Variants in COL17A1 observed in about 807,000 individuals in gnomAD.
COL17A1 encodes collagen alpha-1(XVII) chain.
In COL17A1, 181 loss-of-function variants were observed where a neutral mutation model predicts 218.4. That is an observed-to-expected ratio of 0.83 (90% CI 0.73 to 0.94). The LOEUF is 0.94. COL17A1 is among the 40% of genes least tolerant of loss of function. The pLI, the probability that COL17A1 is intolerant of heterozygous loss-of-function variation, is 0.00. For missense variants in COL17A1, 1,924 were observed against 1,945.9 expected (o/e 0.99, Z 0.21); for synonymous variants, 721 against 731.0 (o/e 0.99, Z 0.22).
intron 17 of COL17A1, among the ~76,000 whole-genome samples, chr10:104,056,309 G>A (rs1198678429): frequency 2.0e-5 from 3 of 152,160 alleles, no homozygotes; most frequent in East Asian, 1.9e-4. Context: ...CTGGCCAGGC[G>A]CGGTGGCTCA....
In COL17A1 at chr10:104,077,443, T is replaced by A. The variant is rs774692187; in HGVS notation, c.181A>T (p.Ser61Cys). ...TCACTTGAGTTTATGTAGCCGCTGCTGCCATGAGTCAGGCTTTGTTTCTCC... is the reference window on the plus strand; with the variant it reads ...TCACTTGAGTTTATGTAGCCGCTGCAGCCATGAGTCAGGCTTTGTTTCTCC... ...RLEKQSLTHG[S>C]SGYINSTGST... The change falls in exon 4 of 56, where the codon AGC becomes TGC. Residue 61 changes from serine to cysteine, a missense_variant. Coordinates refer to ENST00000648076, the MANE Select transcript of COL17A1 (RefSeq NM_000494.4). 2 of 1,613,370 alleles carry A rather than the reference T, an allele frequency of 1.2e-6. No homozygotes were observed. The highest frequency in any genetic ancestry group is 8.5e-7 in the Non-Finnish European group (1 of 1,179,756).
Position 104,038,527 on chromosome 10 carries a change from C to T in COL17A1, c.2949G>A (p.Gly983=). 6.2e-7 allele frequency: 1 copy of T among 1,611,962 alleles called. No homozygotes were observed. Among genetic ancestry groups the T allele is most frequent in the Non-Finnish European group, 8.5e-7 (1 of 1,179,966 alleles). The change falls in exon 45 of 56, where the codon GGG becomes GGA. Residue 983 remains glycine, a splice_region_variant and synonymous_variant. Coordinates refer to ENST00000648076, the MANE Select transcript of COL17A1 (RefSeq NM_000494.4). ...ALGIPSGPSE[G]GSSSTMYVSG... ...ACACGTACATGGTACTTGATGATCC[C>T]CCTGCAGCAAAGAGAAAGCGTCCTG...
chr10:104,036,354 C>CT lies in COL17A1; in HGVS notation c.3418+137dup. The CT allele has an allele frequency of 3.1e-6, 4 of 1,275,892 alleles. No homozygotes were observed. In the African/African-American group the frequency reaches 5.9e-5, roughly 19 times the overall value. The allele number at this position is 1,275,892 out of a possible 1,614,324, so 79.0% of individuals were successfully genotyped here. A position where few individuals can be genotyped will look rare whatever the true frequency, so the allele number is the denominator to read the frequency against. Reference sequence around the variant, plus strand: ...TCCAGGCTCACAGGTTTGAACGGCTCTGAGCACTGCTCATTGCTGGGGTTG... The same window carrying CT: ...TCCAGGCTCACAGGTTTGAACGGCTCTTGAGCACTGCTCATTGCTGGGGTTG... On this transcript the variant is annotated intron_variant, in intron 48 of 55. Transcript: ENST00000648076.
intron 51 of COL17A1, 141 bp downstream of exon 51, chr10:104,034,480 T>C: frequency 6.7e-7 from 1 of 1,488,670 alleles, no homozygotes; most frequent in Admixed American, 2.0e-5. Flanking sequence ...GGGAGAATTT[T>C]GGTGTGGAAG....
intron 48 of COL17A1, 139 bp from the exon 49 acceptor site, chr10:104,035,702 G>A (rs1474980351): frequency 9.8e-6 from 7 of 716,804 alleles, no homozygotes; most frequent in Non-Finnish European, 1.6e-5. Flanking sequence ...GAGAGGCAGA[G>A]AGGAGGAGCC....
chr10:104,052,068 G>T, intron 24 of COL17A1, 87 bp downstream of exon 24: 1 of 1,580,536 alleles, frequency 6.3e-7, no homozygotes, highest in South Asian at 1.1e-5. Context: ...GGGCTGTCTG[G>T]GGTCCCAGGG....
Position 104,057,164 on chromosome 10 carries a change from T to C in COL17A1, c.1276A>G (p.Ser426Gly). 1 of 1,613,910 alleles carries C rather than the reference T, an allele frequency of 6.2e-7. No homozygotes were observed. The highest frequency in any genetic ancestry group is 8.5e-7 in the Non-Finnish European group (1 of 1,179,868). ...CCACCACCACCACTGCTGCCGTAGCTGTGGATATCTGTGAAAGAGACAGGG... is the reference window on the plus strand; with the variant it reads ...CCACCACCACCACTGCTGCCGTAGCCGTGGATATCTGTGAAAGAGACAGGG... ...KGKTTTADIH[S>G]YGSSGGGGSG... Residue 426 changes from serine (S) to glycine (G), a missense_variant, in exon 17 of 56, where the codon AGC (serine) becomes GGC (glycine). Coordinates refer to ENST00000648076, the MANE Select transcript of COL17A1 (RefSeq NM_000494.4).
rs536982016 is a variant in COL17A1 at position 104,031,859 on chromosome 10, G to A, written c.*376C>T. On this transcript the variant is annotated 3_prime_UTR_variant, in exon 56 of 56. Transcript: ENST00000648076. ...GGAAGGCGCCCCACCCCCATCCTCC[G>A]TTTTCTGGGCTCATATTTAGGTAAA... The A allele has an allele frequency of 2.0e-3, 585 of 293,682 alleles. 1 individual carries two copies. Among genetic ancestry groups the A allele is most frequent in the South Asian group, 4.8e-3 (118 of 24,542 alleles). The allele number at this position is 293,682 out of a possible 1,614,324, so 18.2% of individuals were successfully genotyped here.
Position 104,033,279 on chromosome 10 carries a change from G to T in COL17A1, c.4253C>A (p.Ala1418Asp), listed in dbSNP as rs1452600859. The part of the protein sequence containing the change: ...GPPGISKVFS[A>D]YSNVTADLMD... ...GAGGTCCGCAGTCACGTTGCTGTAG[G>T]CAGAGAAGACCTTGCTGATGCCGGG... Residue 1418 changes from alanine to aspartate, a missense_variant, in exon 53 of 56, where the codon GCC becomes GAC. By Grantham distance (126) the Ala-to-Asp change is moderately radical (BLOSUM62 -2). Coordinates refer to ENST00000648076, the MANE Select transcript of COL17A1 (RefSeq NM_000494.4). 6.3e-7 allele frequency: 1 copy of T among 1,596,784 alleles called. No homozygotes were observed. The highest frequency in any genetic ancestry group is 1.8e-5 in the Admixed American group (1 of 56,894).
At chr10:104,054,723 G>A (rs1190522044) in intron 20 of COL17A1, among the ~76,000 whole-genome samples, 2 of 152,092 alleles carry the variant, frequency 1.3e-5, no homozygotes, top group Non-Finnish European at 1.5e-5. Flanking sequence ...TCAAAGGCTC[G>A]GGAAATGTGG....
chr10:104,039,355 G>A (rs1469451274), intron 43 of COL17A1, 90 bp downstream of exon 43: 1 of 1,382,390 alleles, frequency 7.2e-7, no homozygotes, highest in Non-Finnish European at 1.0e-6. Flanking sequence ...TTACACTGAT[G>A]AGTACTTGCT....
At chr10:104,076,475 G>A in intron 4 of COL17A1, 46 bp from the exon 5 acceptor site, 1 of 1,612,436 alleles carries the variant, frequency 6.2e-7, no homozygotes, top group East Asian at 2.2e-5. Context: ...CAGCAGAGAG[G>A]TGAACCAAAT....
chr10:104,045,913 G>T, intron 32 of COL17A1, 120 bp from the exon 33 acceptor site: 1 of 856,900 alleles, frequency 1.2e-6, no homozygotes, highest in South Asian at 1.4e-5. Flanking sequence ...ACCCTGGGAC[G>T]CACCAGCTTT....
chr10:104,070,648 T>A (rs2086661949), intron 8 of COL17A1, 79 bp from the exon 9 acceptor site: 4 of 1,611,666 alleles, frequency 2.5e-6, no homozygotes, highest in Non-Finnish European at 3.4e-6. Context: ...GGAACATTTG[T>A]GGCATTCTGA....
At position 104,034,083 on chromosome 10, in the gene COL17A1, C is replaced by T; in HGVS notation, c.4018G>A (p.Asp1340Asn). 1 of 1,614,126 alleles carries T rather than the reference C, an allele frequency of 6.2e-7. No individual in the cohort carries two copies. ...CCATAGCCTCCGCCTGGGCCGATGT[C>T]AGTGCCATAGGGACCCCTGTCTCCT... ...AAGDRGPYGT[D>N]IGPGGGYGAA... is the part of the protein sequence containing the mutation. Residue 1340 changes from aspartate to asparagine, a missense_variant, in exon 52 of 56, where the codon GAC (aspartate) becomes AAC (asparagine). By Grantham distance (23) the Asp-to-Asn change is conservative (BLOSUM62 1). Coordinates refer to ENST00000648076, the MANE Select transcript of COL17A1 (RefSeq NM_000494.4).
In COL17A1 at chr10:104,058,150, A is replaced by C. The variant is rs2134623405; in HGVS notation, c.1263T>G (p.Thr421=). 6.2e-7 allele frequency: 1 copy of C among 1,614,224 alleles called. No homozygotes were observed. Among genetic ancestry groups the C allele is most frequent in the East Asian group, 2.2e-5 (1 of 44,884 alleles). The change falls in exon 16 of 56, where the codon ACT becomes ACG. Residue 421 remains threonine (T), a synonymous_variant. Coordinates refer to ENST00000648076, the MANE Select transcript of COL17A1 (RefSeq NM_000494.4). ...KTVSTKGKTT[T]ADIHSYGSSG... ...GGGTTCGCGGTTCTCACCCACCTGC[A>C]GTGGTGGTCTTGCCCTTTGTGGACA...
chr10:104,061,015 G>C (rs144983914), intron 13 of COL17A1, among the ~76,000 whole-genome samples: 1 of 152,312 alleles, frequency 6.6e-6, no homozygotes, highest in African/African-American at 2.4e-5. Context: ...GAAATATGTG[G>C]ACAAAGTTGA....
chr10:104,052,908 T>C, intron 23 of COL17A1, 123 bp downstream of exon 23: 1 of 1,195,548 alleles, frequency 8.4e-7, no homozygotes, highest in Non-Finnish European at 1.2e-6. Flanking sequence ...TGACTCAGGG[T>C]GGGTGCTCAG....
rs1395211363 is a variant in COL17A1, at chr10:104,041,558, G to C, written c.2552-20C>G. The C allele has an allele frequency of 6.2e-7, 1 of 1,609,630 alleles. No individual in the cohort carries two copies. The highest frequency in any genetic ancestry group is 1.1e-5 in the South Asian group (1 of 90,846). Reference sequence around the variant, plus strand: ...GAACTTCTATAGAGAGAAGAAAATAGAAATGAGCAAAAGCTGTCACGAGGC... The same window carrying C: ...GAACTTCTATAGAGAGAAGAAAATACAAATGAGCAAAAGCTGTCACGAGGC... On this transcript the variant is annotated intron_variant, in intron 36 of 55. Transcript: ENST00000648076.
Sources: gnomAD v4.1 joint callset for allele counts (sites outside exome capture counted in the v4.1 genomes callset) on GRCh38, gnomAD v4.1.1 for gene constraint, MANE v1.5 for transcripts, NCBI Gene and HGNC (gene_info 2026-07-23, HGNC 2026-07-21) for gene names.